Variants in SNX29 observed in about 807,000 individuals in gnomAD.
The protein encoded by SNX29 is sorting nexin-29.
SNX29 carries 78 observed loss-of-function variants against 102.1 expected under a neutral mutation model. The observed-to-expected ratio is 0.76, with a 90% CI of 0.64 to 0.92. The LOEUF (loss-of-function observed/expected upper bound fraction) is 0.92, where lower values mean the gene tolerates loss of function less well. SNX29 is among the 40% of genes least tolerant of loss of function. The probability of loss-of-function intolerance (pLI) is 0.00; values close to 1 mark genes in which losing one functional copy is unlikely to be tolerated. For synonymous variants in SNX29, 580 were observed against 414.5 expected (o/e 1.40, Z -4.85); for missense variants, 1,280 against 1,061.7 (o/e 1.21, Z -2.86).
chr16:12,222,005 G>A (rs2077491538), intron 14 of SNX29, among the ~76,000 whole-genome samples: 1 of 152,192 alleles, frequency 6.6e-6, no homozygotes, highest in South Asian at 2.1e-4. Flanking sequence ...TCCACGTTAG[G>A]TAGAGAGGAT....
chr16:12,397,569 A>T (rs1366242621), intron 16 of SNX29, among the ~76,000 whole-genome samples: 1 of 152,044 alleles, frequency 6.6e-6, no homozygotes, highest in Non-Finnish European at 1.5e-5. Flanking sequence ...TCTCTGTTCC[A>T]CTTGGTTTCT....
intron 14 of SNX29, among the ~76,000 whole-genome samples, chr16:12,225,812 G>A (rs999116831): frequency 4.6e-5 from 7 of 152,186 alleles, no homozygotes; most frequent in African/African-American, 1.7e-4. Context: ...AAAAAAATGT[G>A]TTGACTTTCT....
intron 20 of SNX29, among the ~76,000 whole-genome samples, chr16:12,555,112 C>G (rs1374236939): frequency 1.6e-5 from 2 of 126,498 alleles, no homozygotes; most frequent in East Asian, 3.9e-4. Context: ...GGGACAATCT[C>G]AGAGTATCAA....
chr16:12,198,152 G>T (rs2076824662), intron 13 of SNX29, among the ~76,000 whole-genome samples: 1 of 152,168 alleles, frequency 6.6e-6, no homozygotes, highest in African/African-American at 2.4e-5. Flanking sequence ...GGTTGGTAGT[G>T]ATTGTCAAAG....
intron 20 of SNX29, among the ~76,000 whole-genome samples, chr16:12,554,824 T>G (rs1420838151): frequency 6.6e-6 from 1 of 152,214 alleles, no homozygotes; most frequent in African/African-American, 2.4e-5. Context: ...GCACCTGCTC[T>G]GTGCCATTCT....
intron 18 of SNX29, among the ~76,000 whole-genome samples, chr16:12,440,742 C>A (rs190806920): frequency 6.6e-6 from 1 of 152,234 alleles, no homozygotes; most frequent in African/African-American, 2.4e-5. Flanking sequence ...GCCTCTACCC[C>A]CATCCATGTC....
chr16:12,556,119 CTT>C (rs767478289), intron 20 of SNX29, among the ~76,000 whole-genome samples: 3 of 152,096 alleles, frequency 2.0e-5, no homozygotes, highest in African/African-American at 7.2e-5. Flanking sequence ...GGTTATTACT[CTT>C]ATGTTCTCAA....
intron 19 of SNX29, among the ~76,000 whole-genome samples, chr16:12,488,161 T>G (rs372859415): frequency 1.1e-4 from 17 of 152,274 alleles, no homozygotes; most frequent in African/African-American, 4.1e-4. Context: ...AGGTCATTTA[T>G]AGACAAAAGA....
At chr16:12,381,910 C>G (rs933712952) in intron 16 of SNX29, among the ~76,000 whole-genome samples, 1 of 150,068 alleles carries the variant, frequency 6.7e-6, no homozygotes, top group Non-Finnish European at 1.5e-5. Flanking sequence ...CGTCATCCAT[C>G]TACCCACCCC....
chr16:12,563,466 G>A (rs1407577585), intron 20 of SNX29, among the ~76,000 whole-genome samples: 1 of 152,190 alleles, frequency 6.6e-6, no homozygotes, highest in African/African-American at 2.4e-5. Context: ...ACCTAATAGG[G>A]TAAAAGGCTC....
At chr16:12,412,677 TTTTG>T in intron 18 of SNX29, among the ~76,000 whole-genome samples, 1 of 152,206 alleles carries the variant, frequency 6.6e-6, no homozygotes. Flanking sequence ...GTGCATGTGT[TTTTG>T]TGTGTGTTTT....
chr16:12,396,336 A>C (rs2083720531), intron 16 of SNX29, among the ~76,000 whole-genome samples: 1 of 152,196 alleles, frequency 6.6e-6, no homozygotes, highest in Admixed American at 6.5e-5. Context: ...GGGTAGATAC[A>C]GCCAGATGTT....
intron 10 of SNX29, among the ~76,000 whole-genome samples, chr16:12,072,260 A>C (rs1009737355): frequency 8.5e-5 from 13 of 152,196 alleles, no homozygotes; most frequent in Non-Finnish European, 1.8e-4. Context: ...TTCAAAGGGA[A>C]TGCTTTCAGT....
rs1015873213 is a variant in SNX29 at position 12,569,475 on chromosome 16, G to C, written c.*846G>C. 1 of 231,502 alleles carries C rather than the reference G, an allele frequency of 4.3e-6. No homozygotes were observed. The highest frequency in any genetic ancestry group is 8.5e-6 in the Non-Finnish European group (1 of 116,978). 14.3% of individuals were successfully genotyped at this position (231,502 alleles called of 1,614,324 possible). The stretch of plus-strand genomic sequence containing the variant: ...ACAGTCATGAGAGACTTGGGTCAGG[G>C]AACCACTGCAGAAGGTTCCAGGGTT... On this transcript the variant is annotated 3_prime_UTR_variant, in exon 21 of 21. Transcript: ENST00000566228.
chr16:12,481,770 A>C (rs1407147064), intron 19 of SNX29, among the ~76,000 whole-genome samples: 2 of 152,158 alleles, frequency 1.3e-5, no homozygotes, highest in East Asian at 3.8e-4. Context: ...CCTGATCTCA[A>C]GTGATCCTCC....
intron 3 of SNX29, among the ~76,000 whole-genome samples, chr16:12,011,682 A>G (rs187045201): frequency 6.6e-6 from 1 of 152,262 alleles, no homozygotes; most frequent in Non-Finnish European, 1.5e-5. Flanking sequence ...TAGCACCGTC[A>G]TCTTCGTCAT....
intron 11 of SNX29, among the ~76,000 whole-genome samples, chr16:12,119,875 G>C (rs2053898936): frequency 6.6e-6 from 1 of 152,230 alleles, no homozygotes; most frequent in African/African-American, 2.4e-5. Flanking sequence ...GAAACCTTGT[G>C]AGAATTACAT....
chr16:12,301,731 C>T (rs1253360854), intron 15 of SNX29, among the ~76,000 whole-genome samples: 1 of 152,218 alleles, frequency 6.6e-6, no homozygotes, highest in Non-Finnish European at 1.5e-5. Context: ...ATGGACTCTG[C>T]ATGAGATAGG....
chr16:12,463,210 C>G (rs550868428), intron 18 of SNX29, among the ~76,000 whole-genome samples: 2 of 152,328 alleles, frequency 1.3e-5, no homozygotes, highest in East Asian at 1.9e-4. Flanking sequence ...CTACTCAAAC[C>G]CAGATGTGAC....
Sources: gnomAD v4.1 joint callset for allele counts (sites outside exome capture counted in the v4.1 genomes callset) on GRCh38, gnomAD v4.1.1 for gene constraint, MANE v1.5 for transcripts, NCBI Gene and HGNC (gene_info 2026-07-23, HGNC 2026-07-21) for gene names.